DIXDC1: variants seen among roughly 807,000 people sequenced by gnomAD.
DIXDC1 encodes the protein DIX domain containing 1.
A neutral mutation model predicts 103.1 loss-of-function variants in DIXDC1; 64 were observed. The ratio of observed to expected loss-of-function variants is 0.62; its 90% CI spans 0.51 to 0.76. The LOEUF is 0.76. DIXDC1 is among the 30% of genes least tolerant of loss of function. The probability of loss-of-function intolerance (pLI) is 0.00; values close to 1 mark genes in which losing one functional copy is unlikely to be tolerated. For synonymous variants in DIXDC1, 266 were observed against 298.5 expected, an observed-to-expected ratio of 0.89 and a Z score of 1.12; for missense variants, 759 against 834.2, an observed-to-expected ratio of 0.91 and a Z score of 1.11.
chr11:111,939,537 G>A (rs1966348039), intron 1 of DIXDC1, among the ~76,000 whole-genome samples: 1 of 152,162 alleles, frequency 6.6e-6, no homozygotes, highest in Admixed American at 6.5e-5. Context: ...ACAAGCTAGT[G>A]TACGTCTGTT....
At chr11:111,933,074 G>A, upstream of DIXDC1, among the ~76,000 whole-genome samples, 1 of 152,110 alleles carries the variant, frequency 6.6e-6, no homozygotes, top group East Asian at 1.9e-4. Context: ...CCTAAATTAC[G>A]TATAATTAAG....
chr11:112,008,131 CAA>C (rs782037838), intron 17 of DIXDC1, among the ~76,000 whole-genome samples: 39 of 52,168 alleles, frequency 7.5e-4, no homozygotes, highest in Non-Finnish European at 9.5e-4. Flanking sequence ...AAATGCAAAG[CAA>C]AAAAAAAAAA....
rs1037850487 is a variant in DIXDC1 at position 111,998,587 on chromosome 11, A to C, written c.1756+2441A>C. ...GAGACAGAGTCTCGCTCTGTTGCCC[A>C]GGCTGGAGTGCAATGGCGTGATCTC... On this transcript the variant is annotated intron_variant, in intron 17 of 19. Transcript: ENST00000440460. The surrounding 1 kb of genome is among the most constrained non-coding windows in gnomAD (Gnocchi z 4.1). 7.2e-5 allele frequency among the ~76,000 whole-genome samples: 11 copies of C among 152,174 alleles called. No individual in the cohort carries two copies. The highest frequency in any genetic ancestry group is 1.6e-4 in the Non-Finnish European group (11 of 68,028).
intron 2 of DIXDC1, among the ~76,000 whole-genome samples, chr11:111,931,762 G>A (rs1555167691): frequency 7.2e-5 from 11 of 152,218 alleles, no homozygotes. Context: ...TCTTTCAGAA[G>A]GCAGCTGGAC....
At chr11:111,992,343 T>C in intron 10 of DIXDC1, 72 bp from the exon 11 acceptor site, 9 of 1,329,100 alleles carry the variant, frequency 6.8e-6, no homozygotes, top group Non-Finnish European at 9.4e-6. Flanking sequence ...ATTAAAGGCT[T>C]TAGTAATTTG....
At chr11:112,008,180 A>T (rs192373229) in intron 17 of DIXDC1, among the ~76,000 whole-genome samples, 4 of 152,268 alleles carry the variant, frequency 2.6e-5, no homozygotes, top group African/African-American at 9.6e-5. Context: ...ACTCTCTGAT[A>T]AAACAGACTT....
At chr11:112,000,467 G>A (rs1373275689) in intron 17 of DIXDC1, among the ~76,000 whole-genome samples, 1 of 152,146 alleles carries the variant, frequency 6.6e-6, no homozygotes, top group African/African-American at 2.4e-5. Flanking sequence ...GGGAGGCTGA[G>A]GTGGGCAGAT....
rs587600506 is a variant in DIXDC1, at chr11:112,012,790, T to C, written c.1757-3901T>C. 7.9e-5 allele frequency among the ~76,000 whole-genome samples: 12 copies of C among 152,330 alleles called. 1 individual carries two copies. Among genetic ancestry groups the C allele is most frequent in the Non-Finnish European group, 1.2e-4 (8 of 68,034 alleles). The stretch of plus-strand genomic sequence containing the variant: ...ACAAGTTCTCCCTCATTACTCTTAT[T>C]TTGCTTTTTTACTTGAAAAGTCTAT... On this transcript the variant is annotated intron_variant, in intron 17 of 19. Coordinates refer to ENST00000440460, the MANE Select transcript of DIXDC1 (RefSeq NM_001037954.4).
chr11:111,992,417 T>A lies in DIXDC1; in HGVS notation c.1116T>A (p.Asp372Glu). 1.9e-6 allele frequency: 3 copies of A among 1,574,450 alleles called. No homozygotes were observed. The highest frequency in any genetic ancestry group is 2.6e-6 in the Non-Finnish European group (3 of 1,159,182). Residue 372 changes from aspartate (D) to glutamate (E), a missense_variant and splice_region_variant, in exon 11 of 20, where the codon GAT (aspartate) becomes GAA (glutamate). By Grantham distance (45) the Asp-to-Glu change is conservative. Transcript: ENST00000440460. Reference sequence around the variant, plus strand: ...AATTAGTATGCTTTTTCCCCTAGGATGCCTTGCAGCAGAGATTGACTCAGC... The same window carrying A: ...AATTAGTATGCTTTTTCCCCTAGGAAGCCTTGCAGCAGAGATTGACTCAGC... ...QEARNLQGIK[D>E]ALQQRLTQQD...
At chr11:111,985,872 G>A (rs1446770206) in intron 8 of DIXDC1, among the ~76,000 whole-genome samples, 2 of 152,120 alleles carry the variant, frequency 1.3e-5, no homozygotes, top group Non-Finnish European at 1.5e-5. Context: ...CTAAATTAAA[G>A]TGTTTCTGTC....
chr11:111,963,297 G>A (rs1410720011), intron 1 of DIXDC1, among the ~76,000 whole-genome samples: 1 of 152,194 alleles, frequency 6.6e-6, no homozygotes, highest in Non-Finnish European at 1.5e-5. Flanking sequence ...CATGATAGGT[G>A]CTCAATAAAT....
At chr11:112,004,848 A>G (rs587640274) in intron 17 of DIXDC1, among the ~76,000 whole-genome samples, 1 of 152,290 alleles carries the variant, frequency 6.6e-6, no homozygotes, top group East Asian at 1.9e-4. Flanking sequence ...CTTCTGACCA[A>G]ATTAACTCAA....
At chr11:111,935,991 C>G (rs1320851935), upstream of DIXDC1, among the ~76,000 whole-genome samples, 9 of 152,204 alleles carry the variant, frequency 5.9e-5, no homozygotes, top group African/African-American at 2.2e-4. Flanking sequence ...CCTGGCTGCT[C>G]TTGGTGGATT....
At chr11:111,968,441 C>G in intron 2 of DIXDC1, 72 bp from the exon 3 acceptor site, 1 of 1,512,518 alleles carries the variant, frequency 6.6e-7, no homozygotes, top group East Asian at 2.4e-5. Context: ...TTCCCTTCCT[C>G]TGTGTCTAGC....
chr11:111,944,227 A>T (rs1966519084), intron 1 of DIXDC1, among the ~76,000 whole-genome samples: 1 of 152,208 alleles, frequency 6.6e-6, no homozygotes, highest in Non-Finnish European at 1.5e-5. Context: ...TTCCTGAGCC[A>T]TTCATGTCTC....
intron 2 of DIXDC1, among the ~76,000 whole-genome samples, chr11:111,966,736 T>C (rs1859755049): frequency 6.6e-6 from 1 of 152,196 alleles, no homozygotes; most frequent in Non-Finnish European, 1.5e-5. Flanking sequence ...CTTTCTATTG[T>C]GACTTTGCTA....
chr11:111,988,694 C>T (rs1860585530), intron 9 of DIXDC1, among the ~76,000 whole-genome samples: 1 of 152,078 alleles, frequency 6.6e-6, no homozygotes, highest in Non-Finnish European at 1.5e-5. Context: ...TTAGGTTTTC[C>T]TGTTGGTGAA....
chr11:111,992,513 C>G lies in DIXDC1; in HGVS notation c.1212C>G (p.Asn404Lys). The change falls in exon 11 of 20, where the codon AAC becomes AAG. Residue 404 changes from asparagine (N) to lysine (K), a missense_variant. By Grantham distance (94) the Asn-to-Lys change is moderately conservative. Coordinates refer to ENST00000440460, the MANE Select transcript of DIXDC1 (RefSeq NM_001037954.4). ...RANMDKDELH[N>K]QNVDLQRKLD... ...ATATGGACAAAGATGAGCTGCACAA[C>G]CAGAATGTGAGTTAAATGAATGAGC... 1 of 1,563,292 alleles carries G rather than the reference C, an allele frequency of 6.4e-7. No homozygotes were observed. Among genetic ancestry groups the G allele is most frequent in the Non-Finnish European group, 8.7e-7 (1 of 1,153,058 alleles).
chr11:111,969,135 G>C (rs73560092), intron 3 of DIXDC1, among the ~76,000 whole-genome samples: 8,623 of 151,412 alleles, frequency 0.057, 684 homozygotes, highest in African/African-American at 0.17. Context: ...TTAGTGGTTA[G>C]AGAAGAAATT....
Sources: allele counts gnomAD v4.1 joint callset (sites outside exome capture counted in the v4.1 genomes callset), GRCh38; gene constraint gnomAD v4.1.1; non-coding constraint Gnocchi (gnomAD v3.1); transcripts MANE v1.5; gene names NCBI Gene and HGNC (gene_info 2026-07-23, HGNC 2026-07-21).